The following SP140 variants were observed in gnomAD, a reference collection of about 807,000 sequenced individuals.
SP140 encodes SP140 nuclear body protein.
In SP140, 81 loss-of-function variants were observed where a neutral mutation model predicts 125.0. The ratio of observed to expected loss-of-function variants is 0.65; its 90% CI spans 0.54 to 0.78. The LOEUF is 0.78. Among genes scored for constraint, SP140 ranks in the 30% least tolerant of loss-of-function variants. SP140 has a pLI of 0.00. For missense variants in SP140, 858 were observed against 1,037.0 expected, an observed-to-expected ratio of 0.83 and a Z score of 2.37; for synonymous variants, 312 against 354.0, an observed-to-expected ratio of 0.88 and a Z score of 1.33.
At chr2:230,291,476 A>G (rs891807096) in intron 19 of SP140, among the ~76,000 whole-genome samples, 4 of 152,218 alleles carry the variant, frequency 2.6e-5, no homozygotes, top group African/African-American at 4.8e-5. Context: ...TTTCTGCTCT[A>G]TAAGTTTGCC....
intron 1 of SP140, among the ~76,000 whole-genome samples, chr2:230,210,577 T>G (rs73102204): frequency 0.023 from 3,457 of 152,332 alleles, 116 homozygotes; most frequent in African/African-American, 0.079. Flanking sequence ...TTTCTGTATA[T>G]AAGGATTGTT....
At chr2:230,232,466 G>A (rs2047398921) in intron 1 of SP140, among the ~76,000 whole-genome samples, 1 of 152,084 alleles carries the variant, frequency 6.6e-6, no homozygotes, top group South Asian at 2.1e-4. Context: ...TGTTCAGCAG[G>A]GTTGTTGTTG....
In SP140 at chr2:230,310,170, C is replaced by T. The variant is rs975742481; in HGVS notation, c.2174+131C>T. The T allele has an allele frequency of 3.4e-5, 27 of 796,232 alleles. No individual in the cohort carries two copies. The South Asian group carries it at 4.4e-4, about 13-fold the overall frequency. 49.3% of individuals were successfully genotyped at this position (796,232 alleles called of 1,614,324 possible). ...AGGTTCATCGGGTACTGGGACCCAG[C>T]AGTGTGATCCAGAGAGCAGTGGGAG... is the stretch of plus-strand genomic sequence containing the variant. On this transcript the variant is annotated intron_variant, in intron 23 of 26. Transcript: ENST00000392045.
At chr2:230,238,405 T>G (rs1002979633) in intron 3 of SP140, 24 bp downstream of exon 3, 2 of 1,589,798 alleles carry the variant, frequency 1.3e-6, no homozygotes, top group Non-Finnish European at 1.7e-6. Flanking sequence ...TCAACAGCTT[T>G]GGGGGATTCA....
At chr2:230,291,374 C>A (rs2057096772) in intron 19 of SP140, among the ~76,000 whole-genome samples, 1 of 152,208 alleles carries the variant, frequency 6.6e-6, no homozygotes, top group Admixed American at 6.5e-5. Context: ...TCATTATCCT[C>A]TAATTTTGGA....
intron 20 of SP140, among the ~76,000 whole-genome samples, chr2:230,293,396 G>T (rs1308149639): frequency 6.6e-6 from 1 of 152,138 alleles, no homozygotes; most frequent in Non-Finnish European, 1.5e-5. Context: ...GAGTGCAGTG[G>T]CTCAATCTCG....
At chr2:230,219,338 T>G (rs964121441) in intron 3 of SP140, among the ~76,000 whole-genome samples, 2 of 152,230 alleles carry the variant, frequency 1.3e-5, no homozygotes, top group African/African-American at 4.8e-5. Flanking sequence ...TCAGACACTG[T>G]GAGTGGGAAG....
Position 230,211,927 on chromosome 2 carries a change from G to T in SP140, c.-322-1727G>T, listed in dbSNP as rs1046909055. On this transcript the variant is annotated intron_variant, in intron 1 of 4. Coordinates refer to the SP140 transcript ENST00000456542. The surrounding 1 kb of genome is among the most constrained non-coding windows in gnomAD (Gnocchi z 4.2). ...GTTTAATGTAATCAAACTCCATTAT[G>T]ATGATGGTTTGGGGAGGACAAGTGA... Among the ~76,000 whole-genome samples the T allele has an allele frequency of 6.6e-6, 1 of 152,166 alleles. No homozygotes were observed. Among genetic ancestry groups the T allele is most frequent in the Non-Finnish European group, 1.5e-5 (1 of 68,028 alleles).
At chr2:230,306,829 G>C (rs1300406760) in intron 22 of SP140, among the ~76,000 whole-genome samples, 2 of 152,242 alleles carry the variant, frequency 1.3e-5, no homozygotes, top group Non-Finnish European at 2.9e-5. Flanking sequence ...GGGCACCATG[G>C]GTGGTGGGGA....
At chr2:230,241,821 A>G (rs2048769225) in intron 4 of SP140, among the ~76,000 whole-genome samples, 1 of 152,212 alleles carries the variant, frequency 6.6e-6, no homozygotes, top group Non-Finnish European at 1.5e-5. Flanking sequence ...AGGTTGAGAT[A>G]AGGGGATTAT....
chr2:230,201,732 G>A (rs929547272), upstream of SP140, among the ~76,000 whole-genome samples: 1 of 152,140 alleles, frequency 6.6e-6, no homozygotes. Flanking sequence ...CCAAACAGCT[G>A]TACTATTATA....
intron 1 of SP140, among the ~76,000 whole-genome samples, chr2:230,233,462 T>C (rs2047543065): frequency 6.6e-6 from 1 of 152,198 alleles, no homozygotes; most frequent in South Asian, 2.1e-4. Flanking sequence ...TTATATGCAG[T>C]ATATATCCTC....
chr2:230,202,581 T>C (rs1353777602), upstream of SP140: 3 of 1,614,132 alleles, frequency 1.9e-6, no homozygotes, highest in African/African-American at 1.3e-5. Context: ...AGCCTTACCC[T>C]CTGATCTCGA....
chr2:230,288,519 T>TTCTTTC (rs2056739963), intron 18 of SP140, among the ~76,000 whole-genome samples: 1 of 62,858 alleles, frequency 1.6e-5, no homozygotes, highest in Non-Finnish European at 3.8e-5. Flanking sequence ...CTTTCTTTCT[T>TTCTTTC]TCTTTTTTTA....
chr2:230,215,541 A>T (rs963723254), intron 3 of SP140, among the ~76,000 whole-genome samples: 1 of 152,244 alleles, frequency 6.6e-6, no homozygotes, highest in African/African-American at 2.4e-5. Context: ...GCCTCTGCTC[A>T]GTCTCTCTCT....
At chr2:230,269,053 C>T (rs1344433269) in intron 12 of SP140, among the ~76,000 whole-genome samples, 1 of 152,020 alleles carries the variant, frequency 6.6e-6, no homozygotes, top group Admixed American at 6.6e-5. Context: ...GACTCCAGAC[C>T]TTCAGAAACA....
At position 230,238,275 on chromosome 2, in the gene SP140, T is replaced by C; in HGVS notation, c.300T>C (p.Ser100=). Residue 100 remains serine, a synonymous_variant, in exon 3 of 27, where the codon AGT becomes AGC. Coordinates refer to ENST00000392045, the MANE Select transcript of SP140 (RefSeq NM_007237.5). ...PVTRVMYCVL[S]ELEKTFGWSH... is the part of the protein sequence containing the mutation. ...CAAGAGTGATGTATTGTGTACTCAG[T>C]GAACTGGAGAAGACATTTGGCTGGT... 6.2e-7 allele frequency: 1 copy of C among 1,613,692 alleles called. No homozygotes were observed. The highest frequency in any genetic ancestry group is 2.2e-5 in the East Asian group (1 of 44,866).
At position 230,283,549 on chromosome 2, in the gene SP140, A is replaced by G. The variant is rs369360311; in HGVS notation, c.1499-797A>G. Among the ~76,000 whole-genome samples the G allele has an allele frequency of 4.6e-5, 7 of 152,310 alleles. No individual in the cohort carries two copies. The East Asian group carries it at 1.4e-3, about 29-fold the overall frequency. ...AATCCTGAATTTTCAAGATAGGTCT[A>G]CAGAACACTCGCAATCCCCACCACT... On this transcript the variant is annotated intron_variant, in intron 15 of 26. Coordinates refer to ENST00000392045, the MANE Select transcript of SP140 (RefSeq NM_007237.5).
intron 3 of SP140, chr2:230,219,919 C>T (rs2045655085): frequency 1.0e-6 from 1 of 985,356 alleles, no homozygotes; most frequent in African/African-American, 1.7e-5. Context: ...GGGGCTGGGA[C>T]AGGGATCACT....
Sources: gnomAD v4.1 joint callset for allele counts (sites outside exome capture counted in the v4.1 genomes callset) on GRCh38, gnomAD v4.1.1 for gene constraint, Gnocchi (gnomAD v3.1) non-coding constraint, MANE v1.5 for transcripts, NCBI Gene and HGNC (gene_info 2026-07-23, HGNC 2026-07-21) for gene names.